Variants in UGP2 observed in about 807,000 individuals in gnomAD.
UGP2 encodes UTP--glucose-1-phosphate uridylyltransferase.
Under a neutral mutation model 49.0 loss-of-function variants are expected in UGP2, and 40 were observed. The ratio of observed to expected loss-of-function variants is 0.82; its 90% CI spans 0.63 to 1.06. The LOEUF is 1.06. UGP2 is among the 50% of genes least tolerant of loss of function. The probability of loss-of-function intolerance (pLI) is 0.00; values close to 1 mark genes in which losing one functional copy is unlikely to be tolerated. For missense variants in UGP2, 460 were observed against 603.5 expected (o/e 0.76, Z 2.49); for synonymous variants, 225 against 213.0 (o/e 1.06, Z -0.49).
chr2:63,891,294 C>T lies in UGP2; in HGVS notation c.*67C>T. The stretch of plus-strand genomic sequence containing the variant: ...TTACAATGAAATGTTCTCTAGGATT[C>T]TAAAATAGGCAGGTACTTTACTATG... On this transcript the variant is annotated 3_prime_UTR_variant, in exon 10 of 10. Coordinates refer to ENST00000337130, the MANE Select transcript of UGP2 (RefSeq NM_006759.4). 1 of 1,357,914 alleles carries T rather than the reference C, an allele frequency of 7.4e-7. No homozygotes were observed. The highest frequency in any genetic ancestry group is 1.0e-6 in the Non-Finnish European group (1 of 961,256). 84.1% of individuals were successfully genotyped at this position (1,357,914 alleles called of 1,614,324 possible).
At chr2:63,862,426 G>C (rs1274330530) in intron 3 of UGP2, among the ~76,000 whole-genome samples, 1 of 152,078 alleles carries the variant, frequency 6.6e-6, no homozygotes, top group African/African-American at 2.4e-5. Flanking sequence ...AATTTCCCTC[G>C]GGATTACCTT....
chr2:63,855,597 G>A (rs988244232), intron 1 of UGP2: 11 of 373,976 alleles, frequency 2.9e-5, no homozygotes, highest in Non-Finnish European at 5.3e-5. Context: ...GCTGGAGTGC[G>A]GTGGCGCGAT....
intron 3 of UGP2, among the ~76,000 whole-genome samples, chr2:63,881,811 G>C (rs1671338687): frequency 1.3e-5 from 2 of 152,166 alleles, no homozygotes; most frequent in African/African-American, 4.8e-5. Context: ...GCATTTCTTA[G>C]AACAGTGACA....
chr2:63,863,438 A>C (rs1170303313), intron 3 of UGP2, among the ~76,000 whole-genome samples: 1 of 152,064 alleles, frequency 6.6e-6, no homozygotes, highest in African/African-American at 2.4e-5. Context: ...GAGCATTATA[A>C]TTTTACATCT....
At chr2:63,860,727 C>T (rs1248280926) in intron 3 of UGP2, among the ~76,000 whole-genome samples, 1 of 150,736 alleles carries the variant, frequency 6.6e-6, no homozygotes, top group Non-Finnish European at 1.5e-5. Context: ...CCTGAGTAGG[C>T]AGGACTACAG....
chr2:63,861,384 C>G (rs1041150002), intron 3 of UGP2, among the ~76,000 whole-genome samples: 2 of 151,958 alleles, frequency 1.3e-5, no homozygotes, highest in African/African-American at 2.4e-5. Flanking sequence ...GACGAGTTCT[C>G]TTGAGCGCTA....
At chr2:63,883,166 T>A (rs931312679) in intron 4 of UGP2, 3 of 152,318 alleles carry the variant, frequency 2.0e-5, no homozygotes. Flanking sequence ...ATAATCCTAA[T>A]GCAAGTTGTA....
chr2:63,853,143 G>A (rs1292359036), intron 1 of UGP2, among the ~76,000 whole-genome samples: 1 of 152,048 alleles, frequency 6.6e-6, no homozygotes, highest in Non-Finnish European at 1.5e-5. Flanking sequence ...GGGAAACTGA[G>A]GTGTGGTCAG....
Position 63,861,417 on chromosome 2 carries a change from A to G in UGP2, c.255+3481A>G, listed in dbSNP as rs1346283592. Among the ~76,000 whole-genome samples, 3 of 152,160 alleles carry G rather than the reference A, an allele frequency of 2.0e-5. No individual in the cohort carries two copies. In the East Asian group the frequency reaches 5.8e-4, roughly 29 times the overall value. Reference sequence around the variant, plus strand: ...CTAATTTAAAACCTGTTGAAGTCACATGGCTGGCACTGACCCCTGGTGGTG... The same window carrying G: ...CTAATTTAAAACCTGTTGAAGTCACGTGGCTGGCACTGACCCCTGGTGGTG... On this transcript the variant is annotated intron_variant, in intron 3 of 9. Coordinates refer to ENST00000337130, the MANE Select transcript of UGP2 (RefSeq NM_006759.4).
At chr2:63,868,965 CAA>C (rs112034753) in intron 3 of UGP2, among the ~76,000 whole-genome samples, 8 of 131,872 alleles carry the variant, frequency 6.1e-5, no homozygotes, top group African/African-American at 5.6e-5. Flanking sequence ...AACTCCATCT[CAA>C]AAAAAAAAAA....
rs181178285 is a variant in UGP2 at position 63,886,743 on chromosome 2, C to G, written c.1071+205C>G. 2.4e-3 allele frequency among the ~76,000 whole-genome samples: 364 copies of G among 152,238 alleles called. 4 individuals are homozygous for G. Among genetic ancestry groups the G allele is most frequent in the African/African-American group, 8.5e-3 (352 of 41,530 alleles). On this transcript the variant is annotated intron_variant, in intron 7 of 9. Coordinates refer to ENST00000337130, the MANE Select transcript of UGP2 (RefSeq NM_006759.4). The stretch of plus-strand genomic sequence containing the variant: ...AAGTTATGGTGCCCTATATTTGACC[C>G]TGGGTTGTGGTAGTGGCAAAAACAC...
Sources: gnomAD v4.1 joint callset for allele counts (sites outside exome capture counted in the v4.1 genomes callset) on GRCh38, gnomAD v4.1.1 for gene constraint, MANE v1.5 for transcripts, NCBI Gene and HGNC (gene_info 2026-07-23, HGNC 2026-07-21) for gene names.